The following GYG2 variants were observed in gnomAD, a reference collection of about 807,000 sequenced individuals.
GYG2 encodes glycogenin 2, also known as glycogenin-2.
Under a neutral mutation model 29.4 loss-of-function variants are expected in GYG2, and 29 were observed. The observed-to-expected ratio is 0.99, with a 90% CI of 0.74 to 1.35. The LOEUF is 1.35. Ranked by LOEUF, GYG2 falls within the 40% of genes most tolerant of loss-of-function variation. The pLI is 0.00. For missense variants in GYG2, 370 were observed against 385.7 expected (o/e 0.96, Z 0.34); for synonymous variants, 167 against 172.3 (o/e 0.97, Z 0.24).
rs761262900 is a variant in GYG2 at position 2,856,479 on chromosome X, G to T, written c.488-19G>T. 3 of 1,204,775 alleles carry T rather than the reference G, an allele frequency of 2.5e-6. No homozygotes were observed. The highest frequency in any genetic ancestry group is 2.2e-6 in the Non-Finnish European group (2 of 892,604). On this transcript the variant is annotated intron_variant, in intron 5 of 10. Coordinates refer to ENST00000398806, the MANE Select transcript of GYG2 (RefSeq NM_001079855.2). ...AGCCATACTTTGCTAACCTGCTTTT[G>T]TGTTTGCTCATTATGTAGGGGCAGA... is the stretch of plus-strand genomic sequence containing the variant.
intron 9 of GYG2, 100 bp downstream of exon 9, chrX:2,876,014 G>T: frequency 6.1e-6 from 2 of 329,261 alleles, no homozygotes; most frequent in Non-Finnish European, 5.0e-6. Context: ...GGGCGCCATA[G>T]GCTTTTAAAA....
chrX:2,867,849 C>G (rs1161838913), intron 8 of GYG2, among the ~76,000 whole-genome samples: 1 of 112,300 alleles, frequency 8.9e-6, no homozygotes, highest in East Asian at 2.8e-4. Context: ...AATCCCAACA[C>G]TTTGGGAGGC....
At chrX:2,846,055 A>ATATATT (rs2087723665) in intron 3 of GYG2, among the ~76,000 whole-genome samples, 26 of 38,671 alleles carry the variant, frequency 6.7e-4, no homozygotes, top group Non-Finnish European at 1.1e-3. Flanking sequence ...ATATATATAT[A>ATATATT]TTTTTTTTTT....
At chrX:2,863,072 A>G (rs2088208402) in intron 8 of GYG2, among the ~76,000 whole-genome samples, 1 of 83,565 alleles carries the variant, frequency 1.2e-5, no homozygotes, top group African/African-American at 3.9e-5. Flanking sequence ...AGAAAAAAAA[A>G]AAGAAATCTT....
intron 9 of GYG2, among the ~76,000 whole-genome samples, chrX:2,876,346 C>G (rs1981282798): frequency 1.8e-5 from 2 of 110,631 alleles, no homozygotes; most frequent in South Asian, 7.7e-4. Flanking sequence ...CTTTTTTTCT[C>G]TAAGTTTACC....
chrX:2,866,825 AT>A (rs751376982), intron 8 of GYG2, among the ~76,000 whole-genome samples: 9 of 63,447 alleles, frequency 1.4e-4, no homozygotes, highest in South Asian at 7.3e-4. Context: ...TAAAAAGTAA[AT>A]TTTTTTTTTT....
chrX:2,859,644 T>C (rs973430719), intron 6 of GYG2, among the ~76,000 whole-genome samples, 199 bp from the exon 7 acceptor site: 3 of 111,013 alleles, frequency 2.7e-5, no homozygotes, highest in African/African-American at 9.8e-5. Flanking sequence ...TTGGAAGTAG[T>C]AGTGTATTAT....
At chrX:2,847,961 T>C (rs2087780551) in intron 3 of GYG2, among the ~76,000 whole-genome samples, 1 of 111,534 alleles carries the variant, frequency 9.0e-6, no homozygotes, top group Admixed American at 9.6e-5. Context: ...CAACTAAAAA[T>C]ATCTCCACAT....
chrX:2,869,129 G>T (rs2088386872), intron 8 of GYG2, among the ~76,000 whole-genome samples: 1 of 111,636 alleles, frequency 9.0e-6, no homozygotes, highest in Non-Finnish European at 1.9e-5. Flanking sequence ...GAAAATATTG[G>T]GGAAACAAAA....
chrX:2,838,372 T>C (rs5982876), intron 2 of GYG2, among the ~76,000 whole-genome samples: 34,933 of 108,000 alleles, frequency 0.32, 4,422 homozygotes, highest in East Asian at 0.41. Context: ...ATTCCAGGAA[T>C]ATATTGTCAG....
chrX:2,832,061 G>A (rs932035369), intron 2 of GYG2, among the ~76,000 whole-genome samples: 8 of 112,764 alleles, frequency 7.1e-5, no homozygotes, highest in African/African-American at 2.6e-4. Context: ...GGCGTCTGGC[G>A]CCGCACCAGG....
chrX:2,864,458 A>G lies in GYG2; in HGVS notation c.1038+2736A>G, dbSNP rs372858153. On this transcript the variant is annotated intron_variant, in intron 8 of 10. Transcript: ENST00000398806. ...CAGATATGCATTTATCTCAGTGAGC[A>G]GAGGGGGGACTGAATAGAATGGGAG... is the stretch of plus-strand genomic sequence containing the variant. Among the ~76,000 whole-genome samples, 10 of 109,175 alleles carry G rather than the reference A, an allele frequency of 9.2e-5. No individual in the cohort carries two copies. The East Asian group carries it at 2.6e-3, about 28-fold the overall frequency. The allele number at this position is 109,175 out of a possible 115,157, so 94.8% of individuals were successfully genotyped here. A position where few individuals can be genotyped will look rare whatever the true frequency, so the allele number is the denominator to read the frequency against.
chrX:2,861,934 C>A (rs1212534377), intron 8 of GYG2, among the ~76,000 whole-genome samples: 1 of 111,746 alleles, frequency 8.9e-6, no homozygotes, highest in African/African-American at 3.3e-5. Context: ...ATGCCCCAAT[C>A]CCTAGGACCT....
At chrX:2,869,077 A>G (rs776635171) in intron 8 of GYG2, among the ~76,000 whole-genome samples, 97 of 110,653 alleles carry the variant, frequency 8.8e-4, no homozygotes, top group Non-Finnish European at 9.8e-4. Flanking sequence ...CACCCTCCGC[A>G]TCTATGGGTT....
In GYG2 at chrX:2,843,158, T is replaced by C. The variant is rs1272951390; in HGVS notation, c.8-55T>C. 11 of 1,049,180 alleles carry C rather than the reference T, an allele frequency of 1.0e-5. No homozygotes were observed. In the African/African-American group the frequency reaches 1.8e-4, roughly 18 times the overall value. The allele number at this position is 1,049,180 out of a possible 1,213,427, so 86.5% of individuals were successfully genotyped here. On this transcript the variant is annotated intron_variant, in intron 2 of 10. Coordinates refer to ENST00000398806, the MANE Select transcript of GYG2 (RefSeq NM_001079855.2). ...AGGAGAGGAGGTGACTATGGCCCCG[T>C]CACCCCTGCTGTCCCTCAGGAGTGT...
intron 3 of GYG2, among the ~76,000 whole-genome samples, chrX:2,846,055 A>ATATATATTT (rs2087723665): frequency 7.8e-5 from 3 of 38,669 alleles, no homozygotes; most frequent in African/African-American, 9.8e-5. Context: ...ATATATATAT[A>ATATATATTT]TTTTTTTTTT....
At chrX:2,872,967 C>T (rs1270789389) in intron 8 of GYG2, among the ~76,000 whole-genome samples, 3 of 112,047 alleles carry the variant, frequency 2.7e-5, no homozygotes, top group South Asian at 3.7e-4. Flanking sequence ...TTATTGCATT[C>T]GTCATTTTTT....
intron 8 of GYG2, among the ~76,000 whole-genome samples, chrX:2,864,717 G>A (rs763100016): frequency 9.0e-6 from 1 of 110,535 alleles, no homozygotes; most frequent in Non-Finnish European, 1.9e-5. Context: ...TCATTTTAAA[G>A]GATTGTGTTT....
Position 2,843,248 on chromosome X carries a change from G to T in GYG2, c.43G>T (p.Asp15Tyr). The stretch of plus-strand genomic sequence containing the variant: ...GGCTTTTGTCACACTAGCCACCAAT[G>T]ACATCTACTGCCAGGGCGCCCTGGT... Reference protein sequence around the residue: ...DQAFVTLATNDIYCQGALVLG... With the variant: ...DQAFVTLATNYIYCQGALVLG... The change falls in exon 3 of 11, where the codon GAC becomes TAC. Residue 15 changes from aspartate (D) to tyrosine (Y), a missense_variant. Asp to Tyr is a radical substitution (Grantham distance 160). Coordinates refer to ENST00000398806, the MANE Select transcript of GYG2 (RefSeq NM_001079855.2). 8.3e-7 allele frequency: 1 copy of T among 1,201,150 alleles called. No homozygotes were observed. Among genetic ancestry groups the T allele is most frequent in the Middle Eastern group, 2.3e-4 (1 of 4,331 alleles).
Sources: allele counts gnomAD v4.1 joint callset (sites outside exome capture counted in the v4.1 genomes callset), GRCh38; gene constraint gnomAD v4.1.1; transcripts MANE v1.5; gene names NCBI Gene and HGNC (gene_info 2026-07-23, HGNC 2026-07-21).